The following TMEM9 variants were observed in gnomAD, a reference collection of about 807,000 sequenced individuals.
The protein encoded by TMEM9 is proton-transporting V-type ATPase complex assembly regulator TMEM9.
TMEM9 carries 13 observed loss-of-function variants against 22.8 expected under a neutral mutation model. The ratio of observed to expected loss-of-function variants is 0.57; its 90% CI spans 0.37 to 0.91. The LOEUF (loss-of-function observed/expected upper bound fraction) is 0.91, where lower values mean the gene tolerates loss of function less well. TMEM9 is among the 40% of genes least tolerant of loss of function. TMEM9 has a pLI of 0.01. For synonymous variants in TMEM9, 88 were observed against 93.0 expected, an observed-to-expected ratio of 0.95 and a Z score of 0.31; for missense variants, 182 against 238.1, an observed-to-expected ratio of 0.76 and a Z score of 1.55.
intron 1 of TMEM9, among the ~76,000 whole-genome samples, chr1:201,162,069 C>G (rs182900781): frequency 1.3e-5 from 2 of 152,188 alleles, no homozygotes; most frequent in East Asian, 1.9e-4. Context: ...ATGCCAGGAA[C>G]CTTTTAATAC....
At position 201,135,832 on chromosome 1, in the gene TMEM9, A is replaced by G; in HGVS notation, c.400-17T>C. On this transcript the variant is annotated splice_polypyrimidine_tract_variant and intron_variant, in intron 4 of 4. Transcript: ENST00000367330. ...GCGAGCATCCTGTAGTGGGAAGAAAAAAAGAGAAGATCTGGCACGGTAAGC... is the reference window on the plus strand; with the variant it reads ...GCGAGCATCCTGTAGTGGGAAGAAAGAAAGAGAAGATCTGGCACGGTAAGC... 24 of 1,576,494 alleles carry G rather than the reference A, an allele frequency of 1.5e-5. No homozygotes were observed. The highest frequency in any genetic ancestry group is 2.1e-5 in the Non-Finnish European group (24 of 1,162,292).
chr1:201,169,391 A>G (rs1271319345), intron 1 of TMEM9, among the ~76,000 whole-genome samples: 1 of 152,352 alleles, frequency 6.6e-6, no homozygotes, highest in East Asian at 1.9e-4. Flanking sequence ...TTTCTCTAGA[A>G]TAAGGGTAGT....
chr1:201,155,649 G>A (rs1348073532), upstream of TMEM9, among the ~76,000 whole-genome samples: 1 of 152,212 alleles, frequency 6.6e-6, no homozygotes, highest in Non-Finnish European at 1.5e-5. Context: ...GCAAAGGTCA[G>A]GGGCTTTGGA....
chr1:201,153,649 T>C, intron 1 of TMEM9: 1 of 1,130,890 alleles, frequency 8.8e-7, no homozygotes. Context: ...GCCAGTGCTC[T>C]GTGCCCCACC....
intron 1 of TMEM9, among the ~76,000 whole-genome samples, chr1:201,169,977 G>A (rs1056875827): frequency 2.7e-4 from 41 of 152,148 alleles, no homozygotes; most frequent in Admixed American, 5.9e-4. Flanking sequence ...TGTGACTCCT[G>A]CAGTTAAGGT....
intron 3 of TMEM9, among the ~76,000 whole-genome samples, chr1:201,145,936 T>C (rs1447846656): frequency 1.3e-5 from 2 of 152,196 alleles, no homozygotes; most frequent in Non-Finnish European, 2.9e-5. Context: ...GACTACAGCA[T>C]AGGCAACAGA....
At chr1:201,137,210 A>G (rs1359270401) in intron 4 of TMEM9, among the ~76,000 whole-genome samples, 1 of 152,196 alleles carries the variant, frequency 6.6e-6, no homozygotes. Flanking sequence ...TGAGCTTGGA[A>G]TTAGGACCCC....
chr1:201,143,697 C>A lies in TMEM9; in HGVS notation c.399+123G>T, dbSNP rs537665009. 5.8e-5 allele frequency: 55 copies of A among 953,852 alleles called. 1 individual carries two copies. In the African/African-American group the frequency reaches 8.4e-4, roughly 14 times the overall value. 59.1% of individuals were successfully genotyped at this position (953,852 alleles called of 1,614,324 possible). A position where few individuals can be genotyped will look rare whatever the true frequency, so the allele number is the denominator to read the frequency against. On this transcript the variant is annotated intron_variant, in intron 4 of 4. Transcript: ENST00000367330. ...GTCTGGGTGATGTGTACGACACTGA[C>A]CAGAAGAGCAACTTGAAGCATTTTG...
intron 1 of TMEM9, among the ~76,000 whole-genome samples, chr1:201,171,025 G>C (rs1666199219): frequency 1.3e-5 from 2 of 152,270 alleles, no homozygotes; most frequent in South Asian, 4.1e-4. Context: ...GACAAGGCTT[G>C]TTGTGCCCGA....
chr1:201,164,559 G>A (rs941246133), intron 1 of TMEM9, among the ~76,000 whole-genome samples: 13 of 152,072 alleles, frequency 8.5e-5, no homozygotes, highest in African/African-American at 3.1e-4. Flanking sequence ...GGTTTCATAT[G>A]GTTCAACCTA....
At chr1:201,159,470 C>T (rs1267751016), upstream of TMEM9, among the ~76,000 whole-genome samples, 1 of 136,110 alleles carries the variant, frequency 7.3e-6, no homozygotes, top group African/African-American at 2.9e-5. Flanking sequence ...GGGGTCCCCA[C>T]ATTTGCCTTT....
At chr1:201,156,805 A>G (rs1196139278), upstream of TMEM9, among the ~76,000 whole-genome samples, 1 of 152,246 alleles carries the variant, frequency 6.6e-6, no homozygotes, top group Non-Finnish European at 1.5e-5. Flanking sequence ...GCCAAGCACT[A>G]TCTGTGAGCC....
chr1:201,162,769 T>C (rs1403775071), intron 1 of TMEM9, among the ~76,000 whole-genome samples: 1 of 152,120 alleles, frequency 6.6e-6, no homozygotes, highest in Non-Finnish European at 1.5e-5. Context: ...TTTTGCTCTG[T>C]GAAAGACCCT....
rs539571796 is a variant in TMEM9, at chr1:201,142,575, C to A, written c.399+1245G>T. ...TTAGTTGTTTTTCTTTTCCTTTAAG[C>A]TAAATGACTCTCAGTTTCTTCAACT... On this transcript the variant is annotated intron_variant, in intron 4 of 4. Coordinates refer to ENST00000367330, the MANE Select transcript of TMEM9 (RefSeq NM_001288565.2). Among the ~76,000 whole-genome samples the A allele has an allele frequency of 4.6e-5, 7 of 152,364 alleles. No individual in the cohort carries two copies. In the South Asian group the frequency reaches 1.5e-3, roughly 32 times the overall value.
chr1:201,144,010 T>C (rs1664754924), intron 3 of TMEM9, 59 bp from the exon 4 acceptor site: 2 of 1,592,160 alleles, frequency 1.3e-6, no homozygotes, highest in Non-Finnish European at 8.6e-7. Context: ...TAGAAATCCG[T>C]TGCTAGTCTT....
At chr1:201,155,389 A>G (rs1254447185), upstream of TMEM9, among the ~76,000 whole-genome samples, 1 of 152,188 alleles carries the variant, frequency 6.6e-6, no homozygotes, top group African/African-American at 2.4e-5. Context: ...CTGGATTAGC[A>G]TAGGGGCTGG....
intron 3 of TMEM9, among the ~76,000 whole-genome samples, chr1:201,146,185 T>C (rs1363922620): frequency 1.3e-5 from 2 of 152,164 alleles, no homozygotes; most frequent in African/African-American, 4.8e-5. Flanking sequence ...GGTGACTGTG[T>C]CTATCATCTC....
At chr1:201,164,367 C>G (rs1666020995) in intron 1 of TMEM9, among the ~76,000 whole-genome samples, 1 of 152,096 alleles carries the variant, frequency 6.6e-6, no homozygotes, top group African/African-American at 2.4e-5. Flanking sequence ...TATAAGTGAT[C>G]TTTGTATATT....
At chr1:201,152,634 C>CA (rs879809116) in intron 1 of TMEM9, among the ~76,000 whole-genome samples, 3 of 152,198 alleles carry the variant, frequency 2.0e-5, no homozygotes, top group African/African-American at 4.8e-5. Context: ...GGCATTTTTA[C>CA]ATTGTCATGT....
Sources: allele counts gnomAD v4.1 joint callset (sites outside exome capture counted in the v4.1 genomes callset), GRCh38; gene constraint gnomAD v4.1.1; transcripts MANE v1.5; gene names NCBI Gene and HGNC (gene_info 2026-07-23, HGNC 2026-07-21).